Variants in SPAST observed in about 807,000 individuals in gnomAD.
The protein encoded by SPAST is spastin.
SPAST carries 30 observed loss-of-function variants against 76.6 expected under a neutral mutation model. The ratio of observed to expected loss-of-function variants is 0.39; its 90% CI spans 0.29 to 0.53. SPAST has a LOEUF of 0.53. SPAST is among the 20% of genes least tolerant of loss of function. The probability of loss-of-function intolerance (pLI) is 0.68; values close to 1 mark genes in which losing one functional copy is unlikely to be tolerated. For missense variants in SPAST, 717 were observed against 770.5 expected (o/e 0.93, Z 0.82); for synonymous variants, 305 against 281.0 (o/e 1.09, Z -0.86).
chr2:32,076,259 C>T (rs1378947404), intron 1 of SPAST, among the ~76,000 whole-genome samples: 1 of 152,020 alleles, frequency 6.6e-6, no homozygotes, highest in Admixed American at 6.6e-5. Flanking sequence ...AAGAAAATGT[C>T]AAAAACTAGA....
chr2:32,116,034 A>G (rs1454549363), intron 6 of SPAST, 85 bp from the exon 7 acceptor site: 1 of 1,059,332 alleles, frequency 9.4e-7, no homozygotes, highest in Non-Finnish European at 1.5e-6. Flanking sequence ...ATTAAAAATA[A>G]CTATATGTCA....
intron 16 of SPAST, among the ~76,000 whole-genome samples, chr2:32,147,646 G>GTTTTT (rs377262054): frequency 1.3e-5 from 2 of 150,480 alleles, no homozygotes; most frequent in Non-Finnish European, 3.0e-5. Context: ...TTGTTTGTTT[G>GTTTTT]TTTGAGACGG....
chr2:32,111,823 T>G (rs942997578), intron 4 of SPAST, among the ~76,000 whole-genome samples: 2 of 151,578 alleles, frequency 1.3e-5, no homozygotes, highest in African/African-American at 4.8e-5. Flanking sequence ...CATACCTCAT[T>G]TCCAACAAAC....
intron 4 of SPAST, among the ~76,000 whole-genome samples, chr2:32,112,520 G>A (rs1361204111): frequency 6.6e-6 from 1 of 151,928 alleles, no homozygotes; most frequent in East Asian, 1.9e-4. Context: ...GCTAATTTTT[G>A]TGTTTTTAGT....
intron 4 of SPAST, among the ~76,000 whole-genome samples, chr2:32,108,677 C>T (rs960839056): frequency 6.7e-6 from 1 of 149,930 alleles, no homozygotes; most frequent in African/African-American, 2.5e-5. Flanking sequence ...TCTCAAACTC[C>T]TGGGCTCAAT....
chr2:32,075,149 G>A (rs1013133411), intron 1 of SPAST, among the ~76,000 whole-genome samples: 3 of 152,052 alleles, frequency 2.0e-5, no homozygotes, highest in Non-Finnish European at 2.9e-5. Flanking sequence ...TAGGCCGGGC[G>A]TGGTGGCTCA....
intron 7 of SPAST, among the ~76,000 whole-genome samples, chr2:32,120,370 G>A (rs1678977982): frequency 6.6e-6 from 1 of 152,030 alleles, no homozygotes; most frequent in African/African-American, 2.4e-5. Context: ...GGAGTACAGT[G>A]AATATTTAGT....
intron 7 of SPAST, among the ~76,000 whole-genome samples, chr2:32,118,760 T>A (rs1236954033): frequency 6.6e-6 from 1 of 152,224 alleles, no homozygotes; most frequent in Non-Finnish European, 1.5e-5. Flanking sequence ...AGCTGCCACC[T>A]AATTCTTACA....
chr2:32,115,770 C>G lies in SPAST; in HGVS notation c.939C>G (p.Asp313Glu). 1 of 1,611,350 alleles carries G rather than the reference C, an allele frequency of 6.2e-7. No homozygotes were observed. Among genetic ancestry groups the G allele is most frequent in the Non-Finnish European group, 8.5e-7 (1 of 1,177,912 alleles). ...TPTTATRKKK[D>E]LKNFRNVDSN... is the part of the protein sequence containing the mutation. ...CAACTGCTACTCGTAAGAAAAAAGA[C>G]TTGAAGAATTTTAGGAATGTGGACA... Residue 313 changes from aspartate to glutamate, a missense_variant, in exon 6 of 17, where the codon GAC becomes GAG. Transcript: ENST00000315285.
intron 1 of SPAST, among the ~76,000 whole-genome samples, chr2:32,086,402 G>C (rs1677476188): frequency 1.3e-5 from 2 of 151,956 alleles, no homozygotes; most frequent in African/African-American, 4.8e-5. Context: ...GGAGTTGGAG[G>C]GTGCAGTGAG....
intron 7 of SPAST, among the ~76,000 whole-genome samples, chr2:32,123,912 G>T (rs900154992): frequency 1.3e-5 from 2 of 152,008 alleles, no homozygotes; most frequent in African/African-American, 4.8e-5. Flanking sequence ...GAAACTTCTA[G>T]AGGATAACAT....
intron 3 of SPAST, 52 bp downstream of exon 3, chr2:32,089,657 A>G (rs746871885): frequency 7.4e-6 from 7 of 947,520 alleles, no homozygotes; most frequent in Non-Finnish European, 1.2e-5. Flanking sequence ...TGTGTGTTCA[A>G]TGAAACTTTA....
At chr2:32,110,742 A>C (rs1678545797) in intron 4 of SPAST, among the ~76,000 whole-genome samples, 1 of 140,972 alleles carries the variant, frequency 7.1e-6, no homozygotes, top group Non-Finnish European at 1.5e-5. Flanking sequence ...TACACTGTAT[A>C]GTATATATAG....
At chr2:32,128,094 A>G in intron 8 of SPAST, 1 of 339,844 alleles carries the variant, frequency 2.9e-6, no homozygotes, top group Non-Finnish European at 5.6e-6. Flanking sequence ...TTCTGGGTTC[A>G]AGCAATTCTG....
rs1471323922 is a variant in SPAST at position 32,157,320 on chromosome 2, T to C, written c.*2824T>C. ...CAGTCTGTCCATTGAGAATATTAGA[T>C]TTCTGACTTGCAAATATGTTTGTAC... is the stretch of plus-strand genomic sequence containing the variant. On this transcript the variant is annotated 3_prime_UTR_variant, in exon 17 of 17. Transcript: ENST00000315285. 2 of 152,640 alleles carry C rather than the reference T, an allele frequency of 1.3e-5. No individual in the cohort carries two copies. Among genetic ancestry groups the C allele is most frequent in the Non-Finnish European group, 2.9e-5 (2 of 68,024 alleles). 9.5% of individuals were successfully genotyped at this position (152,640 alleles called of 1,614,324 possible).
At chr2:32,143,679 G>A (rs1402082619) in intron 14 of SPAST, among the ~76,000 whole-genome samples, 1 of 152,022 alleles carries the variant, frequency 6.6e-6, no homozygotes, top group Non-Finnish European at 1.5e-5. Context: ...ATTAAAACCT[G>A]TAAGTGGTAT....
chr2:32,087,854 C>G (rs1350081300), intron 2 of SPAST, among the ~76,000 whole-genome samples: 1 of 135,550 alleles, frequency 7.4e-6, no homozygotes, highest in Non-Finnish European at 1.6e-5. Context: ...CACTACCATA[C>G]TTAGCTAATT....
intron 1 of SPAST, chr2:32,077,769 T>C (rs1677023816): frequency 6.6e-6 from 1 of 152,238 alleles, no homozygotes; most frequent in Non-Finnish European, 1.5e-5. Flanking sequence ...AGTTAATCTG[T>C]TACGCATATC....
chr2:32,116,841 G>A (rs1177593233), intron 7 of SPAST, among the ~76,000 whole-genome samples: 1 of 152,110 alleles, frequency 6.6e-6, no homozygotes, highest in Admixed American at 6.6e-5. Flanking sequence ...GGGGGCGCAC[G>A]CTTGTAGTCC....
Sources: gnomAD v4.1 joint callset for allele counts (sites outside exome capture counted in the v4.1 genomes callset) on GRCh38, gnomAD v4.1.1 for gene constraint, MANE v1.5 for transcripts, NCBI Gene and HGNC (gene_info 2026-07-23, HGNC 2026-07-21) for gene names.